The following DTNA variants were observed in gnomAD, a reference collection of about 807,000 sequenced individuals.
DTNA encodes the protein dystrobrevin alpha.
A neutral mutation model predicts 100.7 loss-of-function variants in DTNA; 43 were observed. The observed-to-expected ratio is 0.43, with a 90% CI of 0.33 to 0.55. The LOEUF is 0.55. Among genes scored for constraint, DTNA ranks in the 20% least tolerant of loss-of-function variants. DTNA has a pLI of 0.04. For missense variants in DTNA, 798 were observed against 953.9 expected (o/e 0.84, Z 2.15); for synonymous variants, 349 against 347.9 (o/e 1.00, Z -0.04).
intron 1 of DTNA, among the ~76,000 whole-genome samples, chr18:34,575,554 C>G (rs972351605): frequency 1.3e-5 from 2 of 151,242 alleles, no homozygotes; most frequent in Non-Finnish European, 3.0e-5. Flanking sequence ...TCCTTTTTTT[C>G]TATGTAAATT....
At chr18:34,512,893 T>C (rs1017022824) in intron 1 of DTNA, among the ~76,000 whole-genome samples, 6 of 152,054 alleles carry the variant, frequency 3.9e-5, no homozygotes, top group Non-Finnish European at 8.8e-5. Context: ...AAAGTAACCA[T>C]TGCATTGTGG....
intron 1 of DTNA, among the ~76,000 whole-genome samples, chr18:34,627,778 C>G (rs1455204485): frequency 6.6e-6 from 1 of 152,158 alleles, no homozygotes; most frequent in African/African-American, 2.4e-5. Context: ...ACAGCCCAGC[C>G]TCTCTTTTGA....
At chr18:34,512,423 C>T (rs545903432) in intron 1 of DTNA, among the ~76,000 whole-genome samples, 10 of 152,100 alleles carry the variant, frequency 6.6e-5, no homozygotes, top group African/African-American at 2.4e-4. Context: ...TTAACTACTA[C>T]TGAAATGTAA....
Sources: gnomAD v4.1 joint callset for allele counts (sites outside exome capture counted in the v4.1 genomes callset) on GRCh38, gnomAD v4.1.1 for gene constraint, MANE v1.5 for transcripts, NCBI Gene and HGNC (gene_info 2026-07-23, HGNC 2026-07-21) for gene names.